DRD3: variants seen among roughly 807,000 people sequenced by gnomAD.
DRD3 encodes the protein dopamine receptor D3, also known as D(3) dopamine receptor.
DRD3 carries 19 observed loss-of-function variants against 36.3 expected under a neutral mutation model. The ratio of observed to expected loss-of-function variants is 0.52; its 90% CI spans 0.36 to 0.77. The LOEUF (loss-of-function observed/expected upper bound fraction) is 0.77. Among genes scored for constraint, DRD3 ranks in the 30% least tolerant of loss-of-function variants. The pLI is 0.00. For missense variants in DRD3, 465 were observed against 505.3 expected (o/e 0.92, Z 0.77); for synonymous variants, 195 against 203.7 (o/e 0.96, Z 0.36).
intron 3 of DRD3, among the ~76,000 whole-genome samples, chr3:114,149,977 A>G (rs56999352): frequency 0.012 from 1,849 of 152,348 alleles, 46 homozygotes; most frequent in African/African-American, 0.043. Context: ...CTGTGTACAC[A>G]GTGCTGACTT....
chr3:114,170,801 G>A (rs983842556), intron 2 of DRD3, among the ~76,000 whole-genome samples: 1 of 151,946 alleles, frequency 6.6e-6, no homozygotes, highest in Non-Finnish European at 1.5e-5. Context: ...CTTAATCATA[G>A]CATCATTTTG....
intron 2 of DRD3, among the ~76,000 whole-genome samples, chr3:114,165,645 T>G (rs1377162545): frequency 6.6e-6 from 1 of 152,098 alleles, no homozygotes; most frequent in Non-Finnish European, 1.5e-5. Flanking sequence ...GGGATGAATT[T>G]TTAGTTATTT....
chr3:114,171,323 CA>C (rs2077839015), intron 2 of DRD3, among the ~76,000 whole-genome samples: 2 of 152,146 alleles, frequency 1.3e-5, no homozygotes, highest in African/African-American at 4.8e-5. Context: ...CCTGGCCTCA[CA>C]TCCCTCCTGC....
chr3:114,128,988 G>T, intron 6 of DRD3, 76 bp from the exon 7 acceptor site: 1 of 1,418,172 alleles, frequency 7.1e-7, no homozygotes, highest in Non-Finnish European at 9.4e-7. Flanking sequence ...AATGACTCAC[G>T]GTTGTCTACT....
chr3:114,138,652 A>C (rs1270687297), intron 5 of DRD3, among the ~76,000 whole-genome samples: 1 of 152,180 alleles, frequency 6.6e-6, no homozygotes, highest in Admixed American at 6.5e-5. Flanking sequence ...ATCACTGAGC[A>C]TATTGGGTTT....
At chr3:114,175,717 G>A (rs2077891844) in intron 1 of DRD3, among the ~76,000 whole-genome samples, 1 of 152,164 alleles carries the variant, frequency 6.6e-6, no homozygotes, top group South Asian at 2.1e-4. Flanking sequence ...GATTTTCAGA[G>A]TTGAGGGTTT....
intron 3 of DRD3, among the ~76,000 whole-genome samples, chr3:114,151,558 C>T (rs1189767634): frequency 6.6e-6 from 1 of 152,184 alleles, no homozygotes; most frequent in Non-Finnish European, 1.5e-5. Flanking sequence ...AATCAGCTCT[C>T]GCTAGCCATG....
At chr3:114,142,160 G>A (rs1319471117) in intron 4 of DRD3, among the ~76,000 whole-genome samples, 2 of 152,128 alleles carry the variant, frequency 1.3e-5, no homozygotes, top group African/African-American at 2.4e-5. Context: ...TTGGGGAGAG[G>A]GATAGGGTGG....
intron 2 of DRD3, among the ~76,000 whole-genome samples, chr3:114,163,011 C>A (rs2077748076): frequency 6.6e-6 from 1 of 152,182 alleles, no homozygotes. Flanking sequence ...TCCTGCTTAG[C>A]CCCCAAAGGA....
At chr3:114,186,365 G>C (rs190462295) in intron 1 of DRD3, among the ~76,000 whole-genome samples, 1 of 152,212 alleles carries the variant, frequency 6.6e-6, no homozygotes, top group East Asian at 1.9e-4. Context: ...GACCTCAGGT[G>C]ATCTGCCCAC....
upstream of DRD3, among the ~76,000 whole-genome samples, chr3:114,182,621 C>CT (rs1161642726): frequency 6.6e-6 from 1 of 150,718 alleles, no homozygotes; most frequent in East Asian, 1.9e-4. Flanking sequence ...TTTTCTTTTT[C>CT]TGTTTTTTGA....
intron 1 of DRD3, among the ~76,000 whole-genome samples, chr3:114,184,242 C>T (rs940920781): frequency 2.0e-5 from 3 of 152,098 alleles, no homozygotes; most frequent in African/African-American, 7.2e-5. Context: ...ATATCTGGTC[C>T]TCTACTATTC....
Position 114,128,571 on chromosome 3 carries a change from C to T in DRD3, c.*145G>A, listed in dbSNP as rs2077397343. ...GAATATTCTGTTTTGGAGGACACAT[C>T]TGGTTATACCTGACAAGCAGGGACA... On this transcript the variant is annotated 3_prime_UTR_variant, in exon 7 of 7. Coordinates refer to ENST00000383673, the MANE Select transcript of DRD3 (RefSeq NM_000796.6). 2.7e-6 allele frequency: 2 copies of T among 728,442 alleles called. No individual in the cohort carries two copies. The highest frequency in any genetic ancestry group is 5.7e-5 in the East Asian group (2 of 34,784). The allele number at this position is 728,442 out of a possible 1,614,324, so 45.1% of individuals were successfully genotyped here. A position where few individuals can be genotyped will look rare whatever the true frequency, so the allele number is the denominator to read the frequency against.
At chr3:114,147,617 C>A in intron 3 of DRD3, 60 bp from the exon 4 acceptor site, 1 of 1,575,632 alleles carries the variant, frequency 6.3e-7, no homozygotes. Flanking sequence ...ACTTTTCTTT[C>A]TGCGTTGTTG....
At chr3:114,151,708 G>C (rs556704148) in intron 3 of DRD3, among the ~76,000 whole-genome samples, 1 of 152,308 alleles carries the variant, frequency 6.6e-6, no homozygotes, top group Non-Finnish European at 1.5e-5. Flanking sequence ...AAAGGAGGAA[G>C]CAGAGATGCA....
intron 1 of DRD3, among the ~76,000 whole-genome samples, chr3:114,185,683 A>T (rs191800622): frequency 0.015 from 2,306 of 148,906 alleles, 65 homozygotes; most frequent in African/African-American, 0.053. Context: ...TTGTAATTTT[A>T]TTTTTTTTTT....
At chr3:114,188,592 ACGT>A (rs2077988394) in intron 1 of DRD3, among the ~76,000 whole-genome samples, 1 of 152,174 alleles carries the variant, frequency 6.6e-6, no homozygotes, top group African/African-American at 2.4e-5. Context: ...CACCAGCTAC[ACGT>A]ATTCATATTC....
intron 1 of DRD3, among the ~76,000 whole-genome samples, chr3:114,184,866 C>T (rs1368863926): frequency 6.6e-6 from 1 of 152,190 alleles, no homozygotes; most frequent in Non-Finnish European, 1.5e-5. Context: ...AACTGACCTC[C>T]TTCACTTTTG....
chr3:114,152,620 G>T (rs1279438836), intron 3 of DRD3, among the ~76,000 whole-genome samples: 2 of 152,232 alleles, frequency 1.3e-5, no homozygotes, highest in African/African-American at 4.8e-5. Flanking sequence ...GCACTATAAT[G>T]CAGCAAGAAC....
Sources: allele counts gnomAD v4.1 joint callset (sites outside exome capture counted in the v4.1 genomes callset), GRCh38; gene constraint gnomAD v4.1.1; transcripts MANE v1.5; gene names NCBI Gene and HGNC (gene_info 2026-07-23, HGNC 2026-07-21).